Variants in PIBF1 observed in about 807,000 individuals in gnomAD.
PIBF1 encodes progesterone-induced-blocking factor 1.
PIBF1 carries 90 observed loss-of-function variants against 112.5 expected under a neutral mutation model. The ratio of observed to expected loss-of-function variants is 0.80; its 90% confidence interval spans 0.67 to 0.95. The LOEUF (loss-of-function observed/expected upper bound fraction) is 0.95. Among genes scored for constraint, PIBF1 ranks in the 40% least tolerant of loss-of-function variants. The pLI is 0.00. For synonymous variants in PIBF1, 301 were observed against 288.6 expected (o/e 1.04, Z -0.44); for missense variants, 915 against 852.3 (o/e 1.07, Z -0.92).
intron 2 of PIBF1, among the ~76,000 whole-genome samples, chr13:72,790,486 C>A (rs932275504): frequency 6.0e-4 from 81 of 134,912 alleles, no homozygotes; most frequent in African/African-American, 2.2e-3. Context: ...TCACACACAC[C>A]CTTATAGATA....
chr13:72,863,910 G>A (rs1239652795), intron 10 of PIBF1, among the ~76,000 whole-genome samples: 1 of 152,174 alleles, frequency 6.6e-6, no homozygotes, highest in East Asian at 1.9e-4. Context: ...CAGCTCAACT[G>A]TTGCCAGAGG....
At chr13:72,811,675 A>G (rs2036025419) in intron 5 of PIBF1, among the ~76,000 whole-genome samples, 1 of 152,074 alleles carries the variant, frequency 6.6e-6, no homozygotes. Context: ...GTTTTAATAT[A>G]TTTAACATAT....
intron 9 of PIBF1, among the ~76,000 whole-genome samples, chr13:72,837,340 T>C (rs1302117751): frequency 1.3e-5 from 2 of 152,142 alleles, no homozygotes; most frequent in African/African-American, 4.8e-5. Context: ...TAATCTTTTA[T>C]GTGAATAAGG....
intron 9 of PIBF1, among the ~76,000 whole-genome samples, chr13:72,844,727 TTACACACACACACACACACACACA>T (rs2037757503): frequency 3.7e-5 from 2 of 54,222 alleles, no homozygotes; most frequent in Non-Finnish European, 6.8e-5. Flanking sequence ...GTAATTTTAT[TTACACACACACACACACACACACA>T]CACACACACA....
At chr13:72,991,545 G>C (rs1180837355) in intron 16 of PIBF1, among the ~76,000 whole-genome samples, 1 of 151,982 alleles carries the variant, frequency 6.6e-6, no homozygotes, top group East Asian at 1.9e-4. Context: ...CTGCAAGTTA[G>C]TATAAAAGCA....
chr13:72,901,358 C>T (rs2040478772), intron 11 of PIBF1, among the ~76,000 whole-genome samples: 1 of 152,052 alleles, frequency 6.6e-6, no homozygotes, highest in Non-Finnish European at 1.5e-5. Context: ...GATACAGTAC[C>T]CCCTTACTCC....
intron 16 of PIBF1, among the ~76,000 whole-genome samples, chr13:72,976,064 G>C (rs928421591): frequency 6.6e-6 from 1 of 152,138 alleles, no homozygotes; most frequent in African/African-American, 2.4e-5. Context: ...AAAACTTTGC[G>C]TGGTGGATTG....
Position 72,839,947 on chromosome 13 carries a change from T to C in PIBF1, c.1223+4579T>C, listed in dbSNP as rs935594396. On this transcript the variant is annotated intron_variant, in intron 9 of 17. Transcript: ENST00000326291. ...CTACCTAACCAGGGGATTCCTGGGA[T>C]TGGGGCTGCCCTGTGGATGCCCCAG... is the stretch of plus-strand genomic sequence containing the variant. 1.3e-5 allele frequency among the ~76,000 whole-genome samples: 2 copies of C among 152,106 alleles called. 1 individual carries two copies. Among genetic ancestry groups the C allele is most frequent in the South Asian group, 4.1e-4 (2 of 4,828 alleles).
At chr13:72,945,897 G>A (rs1040791402) in intron 14 of PIBF1, among the ~76,000 whole-genome samples, 3 of 152,040 alleles carry the variant, frequency 2.0e-5, no homozygotes, top group Non-Finnish European at 2.9e-5. Context: ...GTAATTTTGA[G>A]AGCCTACTTA....
At chr13:73,012,706 G>A (rs1018801265) in intron 17 of PIBF1, among the ~76,000 whole-genome samples, 1 of 151,968 alleles carries the variant, frequency 6.6e-6, no homozygotes, top group East Asian at 1.9e-4. Context: ...AGTGAGCCAT[G>A]ATCATGCCAC....
At chr13:72,928,168 A>C (rs1244867038) in intron 13 of PIBF1, among the ~76,000 whole-genome samples, 1 of 151,092 alleles carries the variant, frequency 6.6e-6, no homozygotes. Context: ...CATTATTATC[A>C]TTATGCATCA....
chr13:72,882,889 A>G (rs1476051883), intron 10 of PIBF1, among the ~76,000 whole-genome samples: 1 of 152,220 alleles, frequency 6.6e-6, no homozygotes, highest in Non-Finnish European at 1.5e-5. Context: ...GAGGTTCCTC[A>G]AAAAACTAAA....
chr13:72,806,386 T>TA (rs2035734868), intron 5 of PIBF1, among the ~76,000 whole-genome samples: 1 of 152,104 alleles, frequency 6.6e-6, no homozygotes, highest in Non-Finnish European at 1.5e-5. Flanking sequence ...TTTTTTTTTT[T>TA]ATTGTACTTT....
chr13:72,914,549 T>A (rs9530116), intron 12 of PIBF1, among the ~76,000 whole-genome samples: 21,074 of 152,154 alleles, frequency 0.14, 1,648 homozygotes, highest in Non-Finnish European at 0.17. Flanking sequence ...GGATAATCTT[T>A]TCCCTTTCCG....
intron 17 of PIBF1, among the ~76,000 whole-genome samples, chr13:73,007,581 G>A (rs761436190): frequency 1.3e-5 from 2 of 152,002 alleles, no homozygotes; most frequent in African/African-American, 2.4e-5. Flanking sequence ...AGGCCAAGGC[G>A]GGCAGATCAC....
chr13:72,783,461 A>G lies in PIBF1; in HGVS notation c.-9A>G, dbSNP rs1398131394. 6.4e-7 allele frequency: 1 copy of G among 1,555,834 alleles called. No individual in the cohort carries two copies. Among genetic ancestry groups the G allele is most frequent in the African/African-American group, 1.4e-5 (1 of 73,046 alleles). ...AATTAGAGAAGAAAACTGATCCATA[A>G]TAATAAAAATGTCTCGAAAAATTTC... On this transcript the variant is annotated 5_prime_UTR_variant, in exon 2 of 18. Transcript: ENST00000326291.
chr13:72,890,309 G>A (rs1469525947), intron 10 of PIBF1, among the ~76,000 whole-genome samples: 1 of 152,086 alleles, frequency 6.6e-6, no homozygotes, highest in African/African-American at 2.4e-5. Flanking sequence ...TAGCCTGAGA[G>A]CACTTCTTAT....
At chr13:72,851,819 C>T (rs764126156) in intron 9 of PIBF1, among the ~76,000 whole-genome samples, 1 of 152,214 alleles carries the variant, frequency 6.6e-6, no homozygotes, top group African/African-American at 2.4e-5. Context: ...GACCTCTGGA[C>T]GATCTGCCTG....
At chr13:72,869,304 ATGTCCTTTGTAGGGACATGGATGAAAT>A (rs2039056679) in intron 10 of PIBF1, among the ~76,000 whole-genome samples, 1 of 152,148 alleles carries the variant, frequency 6.6e-6, no homozygotes. Context: ...TGATGAGTTC[ATGTCCTTTGTAGGGACATGGATGAAAT>A]TGGAAATCAT....
Sources: gnomAD v4.1 joint callset for allele counts (sites outside exome capture counted in the v4.1 genomes callset) on GRCh38, gnomAD v4.1.1 for gene constraint, MANE v1.5 for transcripts, NCBI Gene and HGNC (gene_info 2026-07-23, HGNC 2026-07-21) for gene names.